The following CNTN5 variants were observed in gnomAD, a reference collection of about 807,000 sequenced individuals.
CNTN5 encodes contactin-5.
A neutral mutation model predicts 129.1 loss-of-function variants in CNTN5; 77 were observed. The observed-to-expected ratio is 0.60, with a 90% confidence interval of 0.50 to 0.72. CNTN5 has a LOEUF of 0.72. CNTN5 is among the 30% of genes least tolerant of loss of function. The probability of loss-of-function intolerance (pLI) is 0.00; values close to 1 mark genes in which losing one functional copy is unlikely to be tolerated. For missense variants in CNTN5, 1,478 were observed against 1,328.8 expected (o/e 1.11, Z -1.75); for synonymous variants, 509 against 465.6 (o/e 1.09, Z -1.20).
At chr11:100,281,203 T>C (rs1313754261) in intron 18 of CNTN5, among the ~76,000 whole-genome samples, 1 of 151,440 alleles carries the variant, frequency 6.6e-6, no homozygotes, top group East Asian at 1.9e-4. Flanking sequence ...ATTCAAATGA[T>C]TATTTATTCC....
At chr11:99,667,274 G>A (rs1952830895) in intron 3 of CNTN5, among the ~76,000 whole-genome samples, 1 of 145,266 alleles carries the variant, frequency 6.9e-6, no homozygotes, top group African/African-American at 2.5e-5. Context: ...CAAGCATTTT[G>A]TTTTGTTTTC....
chr11:99,106,808 T>G (rs1377867136), intron 1 of CNTN5, among the ~76,000 whole-genome samples: 1 of 152,094 alleles, frequency 6.6e-6, no homozygotes, highest in African/African-American at 2.4e-5. Flanking sequence ...AGCACTGAGA[T>G]TGTAACATGA....
intron 2 of CNTN5, among the ~76,000 whole-genome samples, chr11:99,329,048 C>T (rs527260108): frequency 2.0e-5 from 3 of 152,006 alleles, no homozygotes; most frequent in East Asian, 1.9e-4. Flanking sequence ...GGTGGTGGGA[C>T]GGGGTGGTTC....
chr11:100,303,028 A>T (rs1180681953), intron 20 of CNTN5, among the ~76,000 whole-genome samples: 2 of 151,522 alleles, frequency 1.3e-5, no homozygotes, highest in African/African-American at 4.8e-5. Context: ...TTCTGCTAAC[A>T]CCCGTAAGCC....
intron 1 of CNTN5, among the ~76,000 whole-genome samples, chr11:99,192,134 GA>G (rs1366341479): frequency 2.0e-5 from 3 of 151,476 alleles, no homozygotes; most frequent in Non-Finnish European, 4.4e-5. Flanking sequence ...AATGTTAATG[GA>G]TGGACTAGTT....
chr11:99,775,471 T>C (rs1315741061), intron 3 of CNTN5, among the ~76,000 whole-genome samples: 1 of 151,994 alleles, frequency 6.6e-6, no homozygotes, highest in Admixed American at 6.6e-5. Flanking sequence ...AAATATATTG[T>C]GATTAATGTC....
intron 2 of CNTN5, among the ~76,000 whole-genome samples, chr11:99,532,782 T>C (rs10893469): frequency 6.6e-6 from 1 of 152,046 alleles, no homozygotes; most frequent in Non-Finnish European, 1.5e-5. Context: ...TCCCAATCCA[T>C]GTGGAACTGT....
At chr11:100,355,390 T>C (rs1424069388) in intron 24 of CNTN5, among the ~76,000 whole-genome samples, 1 of 151,710 alleles carries the variant, frequency 6.6e-6, no homozygotes, top group Non-Finnish European at 1.5e-5. Context: ...TGCCGCCTTC[T>C]GGAAGCCCTT....
chr11:100,175,179 A>G (rs17094502), intron 13 of CNTN5, among the ~76,000 whole-genome samples: 4,694 of 152,174 alleles, frequency 0.031, 241 homozygotes, highest in African/African-American at 0.11. Context: ...TATTTACTTC[A>G]GGTCAGTGTG....
chr11:100,074,539 G>A, intron 13 of CNTN5: 1 of 368,652 alleles, frequency 2.7e-6, no homozygotes. Context: ...TTTGAAGAAA[G>A]TACTCTTTAA....
At chr11:100,115,580 G>C (rs1364405778) in intron 13 of CNTN5, among the ~76,000 whole-genome samples, 1 of 151,950 alleles carries the variant, frequency 6.6e-6, no homozygotes, top group Non-Finnish European at 1.5e-5. Context: ...AGAGAGGTTG[G>C]GGTAGGAGAA....
intron 1 of CNTN5, among the ~76,000 whole-genome samples, chr11:99,211,127 C>A (rs1859757190): frequency 6.6e-6 from 1 of 152,022 alleles, no homozygotes; most frequent in Non-Finnish European, 1.5e-5. Flanking sequence ...AACCCATTAC[C>A]AAGATATGAT....
intron 6 of CNTN5, among the ~76,000 whole-genome samples, chr11:99,893,781 G>A (rs1949127393): frequency 6.6e-6 from 1 of 152,016 alleles, no homozygotes; most frequent in Admixed American, 6.6e-5. Flanking sequence ...ACATCACATT[G>A]TCTTTATCTA....
chr11:99,100,899 A>G (rs1207741057), intron 1 of CNTN5, among the ~76,000 whole-genome samples: 1 of 152,246 alleles, frequency 6.6e-6, no homozygotes, highest in Non-Finnish European at 1.5e-5. Flanking sequence ...AAATGTGCTG[A>G]AATATATTTC....
intron 3 of CNTN5, among the ~76,000 whole-genome samples, chr11:99,769,385 A>G (rs987489035): frequency 7.9e-5 from 12 of 152,182 alleles, no homozygotes; most frequent in African/African-American, 4.8e-5. Context: ...ACTAGGGAAT[A>G]CATAATCTTA....
At chr11:99,790,114 GAC>G (rs1945685576) in intron 3 of CNTN5, among the ~76,000 whole-genome samples, 1 of 151,538 alleles carries the variant, frequency 6.6e-6, no homozygotes, top group Admixed American at 6.6e-5. Flanking sequence ...TAATTTGAAA[GAC>G]ATGATTTCAT....
At chr11:99,805,785 A>T (rs1188996335) in intron 3 of CNTN5, among the ~76,000 whole-genome samples, 1 of 152,240 alleles carries the variant, frequency 6.6e-6, no homozygotes, top group African/African-American at 2.4e-5. Context: ...TAGGTAGCTG[A>T]TAAATGTCAT....
rs528154164 is a variant in CNTN5, at chr11:99,310,725, A to G, written c.-209-14621A>G. Reference sequence around the variant, plus strand: ...CATTTCCTGATTTATAGCAACAATGATGGGTTTGGCATGTTTCTTAAATTA... The same window carrying G: ...CATTTCCTGATTTATAGCAACAATGGTGGGTTTGGCATGTTTCTTAAATTA... On this transcript the variant is annotated intron_variant, in intron 1 of 24. Transcript: ENST00000524871. Among the ~76,000 whole-genome samples, 6 of 152,262 alleles carry G rather than the reference A, an allele frequency of 3.9e-5. No individual in the cohort carries two copies. The East Asian group carries it at 1.2e-3, about 29-fold the overall frequency.
intron 6 of CNTN5, among the ~76,000 whole-genome samples, chr11:99,884,585 T>C (rs1443244151): frequency 2.6e-5 from 4 of 152,208 alleles, no homozygotes; most frequent in Admixed American, 2.0e-4. Context: ...TCCACAGATA[T>C]TGTAGGTACG....
Sources: gnomAD v4.1 joint callset for allele counts (sites outside exome capture counted in the v4.1 genomes callset) on GRCh38, gnomAD v4.1.1 for gene constraint, MANE v1.5 for transcripts, NCBI Gene and HGNC (gene_info 2026-07-23, HGNC 2026-07-21) for gene names.